Variants in GUCY1A2 observed in about 807,000 individuals in gnomAD.
GUCY1A2 encodes the protein guanylate cyclase 1 soluble subunit alpha 2, also known as guanylate cyclase soluble subunit alpha-2.
GUCY1A2 carries 27 observed loss-of-function variants against 63.5 expected under a neutral mutation model. The ratio of observed to expected loss-of-function variants is 0.43; its 90% CI spans 0.31 to 0.59. GUCY1A2 has a LOEUF of 0.59. Ranked by LOEUF, GUCY1A2 falls within the 20% of genes least tolerant of loss-of-function variation. The pLI is 0.11. For synonymous variants in GUCY1A2, 364 were observed against 343.5 expected (o/e 1.06, Z -0.66); for missense variants, 768 against 913.3 (o/e 0.84, Z 2.05).
At chr11:106,879,121 T>G (rs147272050) in intron 4 of GUCY1A2, among the ~76,000 whole-genome samples, 1 of 152,118 alleles carries the variant, frequency 6.6e-6, no homozygotes, top group Non-Finnish European at 1.5e-5. Flanking sequence ...TCTTTTTTAG[T>G]GCGTTAATTG....
intron 5 of GUCY1A2, among the ~76,000 whole-genome samples, chr11:106,787,890 G>C (rs73551821): frequency 5.1e-4 from 77 of 152,048 alleles, no homozygotes; most frequent in African/African-American, 1.9e-3. Context: ...CCTTCTTTTG[G>C]ACATATACTT....
At chr11:106,914,239 T>C (rs964195283) in intron 4 of GUCY1A2, among the ~76,000 whole-genome samples, 1 of 152,050 alleles carries the variant, frequency 6.6e-6, no homozygotes, top group Non-Finnish European at 1.5e-5. Context: ...CTGAGTGACA[T>C]GCCCTTGAAC....
intron 4 of GUCY1A2, chr11:106,936,810 G>T: frequency 1.6e-6 from 1 of 620,184 alleles, no homozygotes; most frequent in Non-Finnish European, 2.8e-6. Context: ...TTAGAAGAAG[G>T]AATAAATATA....
chr11:106,693,466 T>G (rs1862661296), intron 7 of GUCY1A2, among the ~76,000 whole-genome samples: 2 of 152,138 alleles, frequency 1.3e-5, no homozygotes, highest in South Asian at 4.1e-4. Context: ...AAGTGCATCT[T>G]TTTTATTTGG....
At chr11:106,900,096 A>C (rs1473903494) in intron 4 of GUCY1A2, among the ~76,000 whole-genome samples, 1 of 152,142 alleles carries the variant, frequency 6.6e-6, no homozygotes. Context: ...AAAAAAAAAA[A>C]AAAAAAACAA....
chr11:106,889,001 GA>G (rs202122030), intron 4 of GUCY1A2, among the ~76,000 whole-genome samples: 22 of 146,664 alleles, frequency 1.5e-4, no homozygotes, highest in African/African-American at 3.7e-4. Context: ...TCTCTATTTA[GA>G]AAAAAAAAAC....
intron 2 of GUCY1A2, among the ~76,000 whole-genome samples, chr11:106,980,457 C>T (rs769493839): frequency 1.3e-5 from 2 of 152,136 alleles, no homozygotes; most frequent in Non-Finnish European, 2.9e-5. Context: ...ATGCCTCACC[C>T]AATACATCCG....
chr11:106,701,902 C>G (rs1386050627), intron 7 of GUCY1A2, among the ~76,000 whole-genome samples: 1 of 152,098 alleles, frequency 6.6e-6, no homozygotes, highest in Non-Finnish European at 1.5e-5. Context: ...TAAACATGTA[C>G]TATAATGTGT....
chr11:106,691,665 T>C lies in GUCY1A2; in HGVS notation c.1992-3909A>G, dbSNP rs575357184. Among the ~76,000 whole-genome samples, 53 of 152,324 alleles carry C rather than the reference T, an allele frequency of 3.5e-4. No individual in the cohort carries two copies. In the South Asian group the frequency reaches 0.011, roughly 30 times the overall value. ...TTGGCTGGGAGGAAACTTTTCACAATGAATTGATCTCTTGACATTTTAAAT... is the reference window on the plus strand; with the variant it reads ...TTGGCTGGGAGGAAACTTTTCACAACGAATTGATCTCTTGACATTTTAAAT... On this transcript the variant is annotated intron_variant, in intron 7 of 7. Transcript: ENST00000526355.
In GUCY1A2 at chr11:107,017,705, C is replaced by G. The variant is rs536687006; in HGVS notation, c.303+48G>C. On this transcript the variant is annotated intron_variant, in intron 1 of 7. Coordinates refer to ENST00000526355, the MANE Select transcript of GUCY1A2 (RefSeq NM_000855.3). ...CTCGCCCAGCGCCAACTTTACAGAT[C>G]CGCGTTCTCTCCCCCGAAGGCGGTC... is the stretch of plus-strand genomic sequence containing the variant. The G allele has an allele frequency of 4.3e-6, 5 of 1,171,530 alleles. No homozygotes were observed. In the South Asian group the frequency reaches 7.7e-5, roughly 18 times the overall value. 72.6% of individuals were successfully genotyped at this position (1,171,530 alleles called of 1,614,324 possible).
chr11:106,975,448 T>C (rs993569018), intron 3 of GUCY1A2, among the ~76,000 whole-genome samples: 3 of 152,192 alleles, frequency 2.0e-5, no homozygotes, highest in Admixed American at 6.5e-5. Context: ...AATTAGATCA[T>C]TTTGGTATGC....
rs538754982 is a variant in GUCY1A2, at chr11:106,988,986, G to T, written c.304-2855C>A. Among the ~76,000 whole-genome samples, 16 of 152,314 alleles carry T rather than the reference G, an allele frequency of 1.1e-4. No individual in the cohort carries two copies. The East Asian group carries it at 2.7e-3, about 26-fold the overall frequency. ...CTTCCATCAGATGATTTCTGCCTCTGGGGTGGTAGGGTCCAGCTCTCAACA... is the reference window on the plus strand; with the variant it reads ...CTTCCATCAGATGATTTCTGCCTCTTGGGTGGTAGGGTCCAGCTCTCAACA... On this transcript the variant is annotated intron_variant, in intron 1 of 7. Coordinates refer to ENST00000526355, the MANE Select transcript of GUCY1A2 (RefSeq NM_000855.3).
At chr11:106,994,856 G>A (rs1407663922) in intron 1 of GUCY1A2, among the ~76,000 whole-genome samples, 1 of 152,138 alleles carries the variant, frequency 6.6e-6, no homozygotes, top group African/African-American at 2.4e-5. Flanking sequence ...AAATGAGATT[G>A]TTGTTTTCCC....
chr11:106,871,920 G>A lies in GUCY1A2; in HGVS notation c.1207-61442C>T, dbSNP rs1449388838. Among the ~76,000 whole-genome samples the A allele has an allele frequency of 2.0e-5, 3 of 152,112 alleles. No homozygotes were observed. In the East Asian group the frequency reaches 5.8e-4, roughly 29 times the overall value. On this transcript the variant is annotated intron_variant, in intron 4 of 7. Coordinates refer to ENST00000526355, the MANE Select transcript of GUCY1A2 (RefSeq NM_000855.3). ...TAAACTAATTAGTCAAATCCCTGAA[G>A]TATTTTATATTGCAAATTCTGCATA... is the stretch of plus-strand genomic sequence containing the variant.
intron 1 of GUCY1A2, among the ~76,000 whole-genome samples, chr11:107,006,227 A>G (rs1861669662): frequency 2.6e-5 from 4 of 152,232 alleles, no homozygotes; most frequent in Admixed American, 2.6e-4. Context: ...GTTTTACAAG[A>G]AAGAAGTGAA....
intron 4 of GUCY1A2, among the ~76,000 whole-genome samples, chr11:106,865,277 C>T (rs1029081170): frequency 6.6e-6 from 1 of 152,002 alleles, no homozygotes; most frequent in Admixed American, 6.6e-5. Context: ...TCCGATTCTT[C>T]TCTCTTTTCT....
chr11:106,976,433 A>G (rs1373760636), intron 3 of GUCY1A2, among the ~76,000 whole-genome samples: 1 of 152,206 alleles, frequency 6.6e-6, no homozygotes, highest in East Asian at 1.9e-4. Flanking sequence ...AACTTTAAAA[A>G]AAGATAAAAA....
At chr11:106,948,210 T>C (rs1484254993) in intron 3 of GUCY1A2, among the ~76,000 whole-genome samples, 1 of 152,140 alleles carries the variant, frequency 6.6e-6, no homozygotes, top group African/African-American at 2.4e-5. Flanking sequence ...AATCACTCAA[T>C]TCTTTTTATT....
intron 7 of GUCY1A2, among the ~76,000 whole-genome samples, chr11:106,696,993 AAG>A (rs1226390251): frequency 9.2e-5 from 14 of 152,182 alleles, no homozygotes; most frequent in Admixed American, 2.0e-4. Context: ...CTTGTGGAAA[AAG>A]AAAGATTTTA....
Sources: allele counts gnomAD v4.1 joint callset (sites outside exome capture counted in the v4.1 genomes callset), GRCh38; gene constraint gnomAD v4.1.1; transcripts MANE v1.5; gene names NCBI Gene and HGNC (gene_info 2026-07-23, HGNC 2026-07-21).